The following COBL variants were observed in gnomAD, a reference collection of about 807,000 sequenced individuals.
COBL encodes the protein cordon-bleu WH2 repeat protein, also known as protein cordon-bleu.
COBL carries 51 observed loss-of-function variants against 98.8 expected under a neutral mutation model. The ratio of observed to expected loss-of-function variants is 0.52; its 90% CI spans 0.41 to 0.65. The LOEUF is 0.65. Among genes scored for constraint, COBL ranks in the 30% least tolerant of loss-of-function variants. The pLI is 0.00. For synonymous variants in COBL, 634 were observed against 651.7 expected, an observed-to-expected ratio of 0.97 and a Z score of 0.41; for missense variants, 1,617 against 1,617.5, an observed-to-expected ratio of 1.00 and a Z score of 0.01.
chr7:51,274,230 G>A (rs569796753), intron 1 of COBL, among the ~76,000 whole-genome samples: 4 of 152,166 alleles, frequency 2.6e-5, no homozygotes, highest in South Asian at 2.1e-4. Flanking sequence ...TTGCTGCAAC[G>A]CCTTCCCTCC....
In COBL at chr7:51,175,988, T is replaced by C. The variant is rs145462806; in HGVS notation, c.783+8114A>G. Among the ~76,000 whole-genome samples, 509 of 152,328 alleles carry C rather than the reference T, an allele frequency of 3.3e-3. 2 individuals are homozygous for C. Among genetic ancestry groups the C allele is most frequent in the African/African-American group, 0.012 (479 of 41,578 alleles). On this transcript the variant is annotated intron_variant, in intron 5 of 12. Coordinates refer to ENST00000265136, the MANE Select transcript of COBL (RefSeq NM_015198.5). ...GTTTTCCTGTCTTTCCCACTGTCTC[T>C]TTAAATCCTCAGTCTGGACCTTGTA...
chr7:51,242,830 G>A (rs1407197352), intron 1 of COBL, among the ~76,000 whole-genome samples: 2 of 152,158 alleles, frequency 1.3e-5, no homozygotes, highest in Non-Finnish European at 2.9e-5. Flanking sequence ...TCTCTGGGAG[G>A]CCCTGTCGAA....
intron 8 of COBL, among the ~76,000 whole-genome samples, chr7:51,043,099 TATC>T (rs1219059672): frequency 1.1e-4 from 17 of 152,230 alleles, no homozygotes; most frequent in Non-Finnish European, 2.2e-4. Context: ...ACAACACAGA[TATC>T]ATCATGGATA....
intron 8 of COBL, among the ~76,000 whole-genome samples, chr7:51,041,420 T>C (rs527591442): frequency 6.6e-6 from 1 of 152,102 alleles, no homozygotes; most frequent in African/African-American, 2.4e-5. Flanking sequence ...AAGCATTCAT[T>C]CATTTTGGTG....
At chr7:51,305,971 G>A (rs1224968506) in intron 1 of COBL, among the ~76,000 whole-genome samples, 1 of 152,174 alleles carries the variant, frequency 6.6e-6, no homozygotes. Context: ...AGGAGATAGA[G>A]GTTGCAGTGA....
intron 5 of COBL, among the ~76,000 whole-genome samples, chr7:51,161,167 C>T (rs1159296295): frequency 2.0e-5 from 3 of 152,078 alleles, no homozygotes; most frequent in South Asian, 4.1e-4. Flanking sequence ...TTTTCCAGGC[C>T]CAGAAAAGCT....
At chr7:51,249,277 A>G (rs1201440955) in intron 1 of COBL, among the ~76,000 whole-genome samples, 2 of 152,212 alleles carry the variant, frequency 1.3e-5, no homozygotes, top group Admixed American at 1.3e-4. Flanking sequence ...TTGAAAGGGA[A>G]GGCAATGAGG....
At position 51,219,894 on chromosome 7, in the gene COBL, A is replaced by C. The variant is rs1185651777; in HGVS notation, c.92T>G (p.Leu31Arg). ...APPPPGKAATLHVHSDQKPPH... is the reference protein window; with the variant it reads ...APPPPGKAATRHVHSDQKPPH... Reference sequence around the variant, plus strand: ...GGGCTTCTGGTCACTGTGCACATGCAGAGTGGCAGCCTTTCCAGGAGGTGG... The same window carrying C: ...GGGCTTCTGGTCACTGTGCACATGCCGAGTGGCAGCCTTTCCAGGAGGTGG... Residue 31 changes from leucine (L) to arginine (R), a missense_variant, in exon 2 of 13, where the codon CTG becomes CGG. Leu to Arg is a moderately radical substitution (Grantham distance 102). This residue lies in a region of COBL where 238 missense variants were observed against 215.0 expected (regional missense o/e 1.11). Transcript: ENST00000265136. The C allele has an allele frequency of 2.5e-6, 4 of 1,612,774 alleles. No homozygotes were observed. The highest frequency in any genetic ancestry group is 3.4e-6 in the Non-Finnish European group (4 of 1,180,000).
intron 6 of COBL, among the ~76,000 whole-genome samples, chr7:51,098,005 C>G (rs999795277): frequency 8.5e-6 from 1 of 117,180 alleles, no homozygotes; most frequent in African/African-American, 3.5e-5. Context: ...GCCTGGACAA[C>G]AGAGCGAGAC....
intron 12 of COBL, among the ~76,000 whole-genome samples, chr7:51,019,322 T>C (rs1275135810): frequency 1.3e-5 from 2 of 151,902 alleles, no homozygotes; most frequent in South Asian, 2.1e-4. Context: ...TTCCATCACA[T>C]GACACGATGG....
chr7:51,027,999 T>C lies in COBL; in HGVS notation c.3097A>G (p.Ser1033Gly), dbSNP rs144463257. 917 of 1,603,246 alleles carry C rather than the reference T, an allele frequency of 5.7e-4. 2 individuals are homozygous for C. The African/African-American group carries it at 0.011, about 19-fold the overall frequency. The change falls in exon 10 of 13, where the codon AGC becomes GGC. Residue 1033 changes from serine to glycine, a missense_variant. Ser to Gly is a moderately conservative substitution (Grantham distance 56). Coordinates refer to ENST00000265136, the MANE Select transcript of COBL (RefSeq NM_015198.5). ...ACAGAGCCATTGACCAGCTCCCTGC[T>C]GCAGGCCTGAGTGTCAGATGTGTGT... is the stretch of plus-strand genomic sequence containing the variant. ...PPHTSDTQAC[S>G]RELVNGSVRA...
chr7:51,061,849 T>A (rs1350446723), intron 7 of COBL, among the ~76,000 whole-genome samples: 1 of 151,916 alleles, frequency 6.6e-6, no homozygotes, highest in African/African-American at 2.4e-5. Flanking sequence ...ATCACCAGCT[T>A]TCCGGGGTCT....
intron 6 of COBL, among the ~76,000 whole-genome samples, chr7:51,100,281 A>C (rs928716020): frequency 6.6e-6 from 1 of 152,224 alleles, no homozygotes; most frequent in Non-Finnish European, 1.5e-5. Flanking sequence ...CCTTCAATTA[A>C]CTAGCAAGGG....
intron 1 of COBL, among the ~76,000 whole-genome samples, chr7:51,233,595 A>G (rs1011582966): frequency 1.3e-5 from 2 of 152,140 alleles, no homozygotes; most frequent in East Asian, 1.9e-4. Flanking sequence ...GTCCATTTCT[A>G]TGTACTTTTG....
intron 7 of COBL, among the ~76,000 whole-genome samples, chr7:51,057,328 A>G (rs1790860123): frequency 7.8e-6 from 1 of 128,508 alleles, no homozygotes; most frequent in South Asian, 2.6e-4. Flanking sequence ...GTGCACGCAC[A>G]CACATACACA....
intron 6 of COBL, among the ~76,000 whole-genome samples, chr7:51,089,759 A>C (rs968106622): frequency 2.0e-5 from 3 of 152,184 alleles, no homozygotes; most frequent in African/African-American, 7.2e-5. Flanking sequence ...TCTGATATAC[A>C]TATCTATAGT....
chr7:51,059,787 T>C (rs1791139042), intron 7 of COBL, among the ~76,000 whole-genome samples: 1 of 152,182 alleles, frequency 6.6e-6, no homozygotes, highest in African/African-American at 2.4e-5. Flanking sequence ...CACCCAGAAA[T>C]ACAGCCAAGA....
chr7:51,179,998 A>G (rs1227242959), intron 5 of COBL, among the ~76,000 whole-genome samples: 1 of 152,236 alleles, frequency 6.6e-6, no homozygotes, highest in Admixed American at 6.5e-5. Context: ...GCAATTGGGT[A>G]AAGTACACTA....
At chr7:51,304,457 T>C (rs1263390703) in intron 1 of COBL, among the ~76,000 whole-genome samples, 1 of 152,218 alleles carries the variant, frequency 6.6e-6, no homozygotes, top group African/African-American at 2.4e-5. Flanking sequence ...AGCTATGATT[T>C]GTATTGTATT....
Sources: allele counts gnomAD v4.1 joint callset (sites outside exome capture counted in the v4.1 genomes callset), GRCh38; gene constraint gnomAD v4.1.1; regional missense constraint gnomAD v4.1.1; transcripts MANE v1.5; gene names NCBI Gene and HGNC (gene_info 2026-07-23, HGNC 2026-07-21).